Variants in B3GALT1 observed in about 807,000 individuals in gnomAD.
The protein encoded by B3GALT1 is beta-1,3-galactosyltransferase 1, also known as UDP-Gal:betaGlcNAc beta 1,3-galactosyltransferase, polypeptide 1.
A neutral mutation model predicts 23.2 loss-of-function variants in B3GALT1; 10 were observed. The ratio of observed to expected loss-of-function variants is 0.43; its 90% CI spans 0.27 to 0.73. The LOEUF is 0.73. Among genes scored for constraint, B3GALT1 ranks in the 30% least tolerant of loss-of-function variants. The pLI is 0.21. For missense variants in B3GALT1, 299 were observed against 405.4 expected (o/e 0.74, Z 2.25); for synonymous variants, 156 against 141.5 (o/e 1.10, Z -0.73).
intron 1 of B3GALT1, among the ~76,000 whole-genome samples, chr2:167,363,871 G>C (rs1167388201): frequency 6.6e-6 from 1 of 152,028 alleles, no homozygotes; most frequent in East Asian, 1.9e-4. Context: ...ATGAAAACTG[G>C]TAACAGGCTG....
intron 2 of B3GALT1, among the ~76,000 whole-genome samples, chr2:167,539,244 ATTTC>A (rs1303000424): frequency 6.6e-6 from 1 of 151,590 alleles, no homozygotes; most frequent in Non-Finnish European, 1.5e-5. Flanking sequence ...GAAAATAGTT[ATTTC>A]TTTTTCTATT....
intron 1 of B3GALT1, among the ~76,000 whole-genome samples, chr2:167,295,618 G>A (rs1450705415): frequency 2.0e-5 from 3 of 152,086 alleles, no homozygotes; most frequent in Non-Finnish European, 2.9e-5. Flanking sequence ...GAACTTCTAA[G>A]GAAAATTTTA....
chr2:167,781,768 G>T (rs989557897), intron 3 of B3GALT1, among the ~76,000 whole-genome samples: 2 of 151,952 alleles, frequency 1.3e-5, no homozygotes, highest in Non-Finnish European at 2.9e-5. Flanking sequence ...TTGAGACAGG[G>T]TCTCACTCTG....
chr2:167,570,757 C>A (rs1056445251), intron 2 of B3GALT1, among the ~76,000 whole-genome samples: 11 of 151,610 alleles, frequency 7.3e-5, no homozygotes, highest in African/African-American at 2.4e-4. Context: ...GTTTTACCAC[C>A]CCCCAATTTA....
intron 3 of B3GALT1, among the ~76,000 whole-genome samples, chr2:167,654,474 A>G (rs1430265071): frequency 6.6e-6 from 1 of 152,020 alleles, no homozygotes; most frequent in Non-Finnish European, 1.5e-5. Context: ...TCCTTTGCCA[A>G]ACTCAACTGC....
intron 2 of B3GALT1, among the ~76,000 whole-genome samples, chr2:167,573,818 A>G (rs536601341): frequency 6.6e-6 from 1 of 151,782 alleles, no homozygotes; most frequent in East Asian, 1.9e-4. Context: ...TATGGGGGGC[A>G]GTCAGAGGGA....
At chr2:167,764,306 A>AT (rs1687940982) in intron 3 of B3GALT1, among the ~76,000 whole-genome samples, 1 of 152,082 alleles carries the variant, frequency 6.6e-6, no homozygotes. Flanking sequence ...AGTCCTTCTC[A>AT]TTTTTTCTCT....
chr2:167,367,177 T>C (rs2105266814), intron 1 of B3GALT1, among the ~76,000 whole-genome samples: 1 of 152,350 alleles, frequency 6.6e-6, no homozygotes, highest in Middle Eastern at 3.4e-3. Flanking sequence ...ACAAGTCACG[T>C]ATTTACAAAG....
intron 3 of B3GALT1, among the ~76,000 whole-genome samples, chr2:167,707,507 A>AC (rs71003005): frequency 4.0e-5 from 6 of 150,568 alleles, no homozygotes; most frequent in Non-Finnish European, 4.4e-5. Context: ...TATTTTTCTT[A>AC]TTTTTTTTTT....
intron 1 of B3GALT1, among the ~76,000 whole-genome samples, chr2:167,462,986 AAAAT>A (rs1699284589): frequency 6.6e-6 from 1 of 152,130 alleles, no homozygotes; most frequent in South Asian, 2.1e-4. Flanking sequence ...TGTTTATGAT[AAAAT>A]AAATGAGAAC....
chr2:167,718,919 C>T (rs1334617992), intron 3 of B3GALT1, among the ~76,000 whole-genome samples: 10 of 152,080 alleles, frequency 6.6e-5, no homozygotes, highest in Non-Finnish European at 7.4e-5. Context: ...TTCTCAAATG[C>T]CAAGGTGCCT....
intron 2 of B3GALT1, among the ~76,000 whole-genome samples, chr2:167,568,410 A>C (rs1436398956): frequency 6.6e-6 from 1 of 151,998 alleles, no homozygotes; most frequent in Admixed American, 6.6e-5. Flanking sequence ...TGATGTTGTC[A>C]GTGTTCTAGA....
chr2:167,383,193 C>CTT (rs75009286), intron 1 of B3GALT1, among the ~76,000 whole-genome samples: 1 of 134,824 alleles, frequency 7.4e-6, no homozygotes, highest in African/African-American at 2.7e-5. Flanking sequence ...TGTGCAGTGC[C>CTT]TTTTTTTTTT....
intron 2 of B3GALT1, among the ~76,000 whole-genome samples, chr2:167,627,491 C>T (rs1287081014): frequency 6.6e-6 from 1 of 151,706 alleles, no homozygotes; most frequent in Non-Finnish European, 1.5e-5. Flanking sequence ...CACGTTGCTG[C>T]ATGTATCTGC....
At chr2:167,736,637 C>A (rs767631844) in intron 3 of B3GALT1, among the ~76,000 whole-genome samples, 1 of 152,206 alleles carries the variant, frequency 6.6e-6, no homozygotes, top group Non-Finnish European at 1.5e-5. Context: ...TGCAGTGGCT[C>A]ACGCCTGGAC....
chr2:167,635,102 A>G (rs1338816165), intron 2 of B3GALT1, among the ~76,000 whole-genome samples: 2 of 152,158 alleles, frequency 1.3e-5, no homozygotes, highest in East Asian at 1.9e-4. Flanking sequence ...CAAAAACCAC[A>G]TGATTATCTC....
intron 3 of B3GALT1, among the ~76,000 whole-genome samples, chr2:167,780,075 G>A (rs751054537): frequency 3.9e-5 from 6 of 152,152 alleles, no homozygotes; most frequent in Non-Finnish European, 8.8e-5. Context: ...AAAGAGATTC[G>A]AGAAAATATA....
chr2:167,826,578 C>T, intron 4 of B3GALT1, among the ~76,000 whole-genome samples: 1 of 152,068 alleles, frequency 6.6e-6, no homozygotes, highest in Admixed American at 6.6e-5. Context: ...TGTAAGGGAT[C>T]AGGTGATGAC....
chr2:167,580,294 C>A (rs556883436), intron 2 of B3GALT1, among the ~76,000 whole-genome samples: 3 of 151,992 alleles, frequency 2.0e-5, no homozygotes, highest in African/African-American at 7.2e-5. Flanking sequence ...TAAAATAAAC[C>A]CTATTGCTAA....
Sources: gnomAD v4.1 joint callset for allele counts (sites outside exome capture counted in the v4.1 genomes callset) on GRCh38, gnomAD v4.1.1 for gene constraint, MANE v1.5 for transcripts, NCBI Gene and HGNC (gene_info 2026-07-23, HGNC 2026-07-21) for gene names.